Variants in SCYL2 observed in about 807,000 individuals in gnomAD.
The protein encoded by SCYL2 is SCY1 like pseudokinase 2.
Under a neutral mutation model 100.4 loss-of-function variants are expected in SCYL2, and 36 were observed. The observed-to-expected ratio is 0.36, with a 90% CI of 0.27 to 0.47. The LOEUF (loss-of-function observed/expected upper bound fraction) is 0.47, where lower values mean the gene tolerates loss of function less well. Ranked by LOEUF, SCYL2 falls within the 20% of genes least tolerant of loss-of-function variation. The probability of loss-of-function intolerance (pLI) is 1.00; values close to 1 mark genes in which losing one functional copy is unlikely to be tolerated. For missense variants in SCYL2, 902 were observed against 1,083.9 expected (o/e 0.83, Z 2.36); for synonymous variants, 330 against 359.2 (o/e 0.92, Z 0.92).
chr12:100,336,051 A>T, intron 16 of SCYL2, 145 bp downstream of exon 16: 1 of 647,924 alleles, frequency 1.5e-6, no homozygotes, highest in Non-Finnish European at 2.7e-6. Context: ...TATCAGTTAA[A>T]CATGACCCTA....
Position 100,291,490 on chromosome 12 carries a change from T to C in SCYL2, c.178-13T>C. 1.4e-6 allele frequency: 2 copies of C among 1,468,410 alleles called. No homozygotes were observed. The highest frequency in any genetic ancestry group is 1.8e-6 in the Non-Finnish European group (2 of 1,086,108). The allele number at this position is 1,468,410 out of a possible 1,614,324, so 91.0% of individuals were successfully genotyped here. On this transcript the variant is annotated splice_polypyrimidine_tract_variant and intron_variant, in intron 2 of 17. Transcript: ENST00000360820. ...ATATTTCTTGACTAAAATTACACAA[T>C]TCTTTTATTTAGGAAGTGGCAGTTT...
At chr12:100,293,725 C>G (rs932110069) in intron 3 of SCYL2, among the ~76,000 whole-genome samples, 1 of 151,892 alleles carries the variant, frequency 6.6e-6, no homozygotes. Context: ...GGAGTGGTGA[C>G]GACTCTTAAC....
intron 1 of SCYL2, among the ~76,000 whole-genome samples, chr12:100,276,261 G>A (rs1018594856): frequency 1.9e-4 from 29 of 152,004 alleles, no homozygotes; most frequent in African/African-American, 7.0e-4. Flanking sequence ...TCATTTAGAA[G>A]CTTTAGAATT....
intron 1 of SCYL2, among the ~76,000 whole-genome samples, chr12:100,281,932 A>T (rs2096298995): frequency 1.3e-5 from 2 of 152,068 alleles, no homozygotes; most frequent in Admixed American, 6.6e-5. Context: ...ATGTGAAGTG[A>T]TCAACACCTG....
At chr12:100,323,027 C>T (rs914831519) in intron 10 of SCYL2, among the ~76,000 whole-genome samples, 2 of 86,380 alleles carry the variant, frequency 2.3e-5, no homozygotes, top group African/African-American at 9.0e-5. Context: ...GGTCCTGTCT[C>T]AAGAAAAAAA....
intron 2 of SCYL2, among the ~76,000 whole-genome samples, chr12:100,290,321 G>T (rs1487304747): frequency 1.3e-5 from 2 of 152,104 alleles, no homozygotes; most frequent in Admixed American, 1.3e-4. Context: ...AAATGCTTGG[G>T]GGGACGTTGT....
At chr12:100,311,302 C>T (rs2096341905) in intron 5 of SCYL2, 109 bp downstream of exon 5, 1 of 1,047,718 alleles carries the variant, frequency 9.5e-7, no homozygotes, top group South Asian at 3.1e-5. Context: ...AGATATACAG[C>T]TTTATAGAAA....
chr12:100,329,405 T>A (rs1952180535), intron 13 of SCYL2, 86 bp downstream of exon 13: 1 of 576,056 alleles, frequency 1.7e-6, no homozygotes, highest in African/African-American at 1.9e-5. Flanking sequence ...AAAGATTGGT[T>A]AAAAAAAAAA....
chr12:100,330,251 T>C (rs1952192291), intron 13 of SCYL2, among the ~76,000 whole-genome samples: 2 of 152,062 alleles, frequency 1.3e-5, no homozygotes, highest in African/African-American at 4.8e-5. Flanking sequence ...AGGTAGACTT[T>C]AAATGCCTGT....
chr12:100,271,537 C>T (rs2096287723), intron 1 of SCYL2, among the ~76,000 whole-genome samples: 3 of 152,070 alleles, frequency 2.0e-5, no homozygotes, highest in Non-Finnish European at 4.4e-5. Flanking sequence ...CCTTTGTGCC[C>T]CTTTAAGGGA....
At chr12:100,283,299 CA>C (rs1265481372) in intron 2 of SCYL2, 152 bp downstream of exon 2, 1 of 609,108 alleles carries the variant, frequency 1.6e-6, no homozygotes, top group Non-Finnish European at 2.8e-6. Context: ...TTAAGTCATA[CA>C]AAAAAACAAA....
In SCYL2 at chr12:100,315,618, G is replaced by A. The variant is rs1431121204; in HGVS notation, c.1156G>A (p.Val386Ile). Residue 386 changes from valine (V) to isoleucine (I), a missense_variant, in exon 9 of 18, where the codon GTA becomes ATA. Val to Ile is a conservative substitution (Grantham distance 29, BLOSUM62 3). Transcript: ENST00000360820. ...TTCAGAATTTGTAAACCCTGACATG[G>A]TACCTTTTGTTTTGCCCAATGTTCT... ...LTSEFVNPDM[V>I]PFVLPNVLLI... The A allele has an allele frequency of 6.2e-6, 10 of 1,611,314 alleles. No homozygotes were observed. In the East Asian group the frequency reaches 2.2e-4, roughly 36 times the overall value.
chr12:100,329,642 A>T (rs80083833), intron 13 of SCYL2, among the ~76,000 whole-genome samples: 1,942 of 152,326 alleles, frequency 0.013, 98 homozygotes, highest in Admixed American at 0.093. Context: ...TACAGAACAA[A>T]TCACCACAAA....
chr12:100,332,865 C>T (rs1952228603), intron 13 of SCYL2, among the ~76,000 whole-genome samples: 1 of 151,934 alleles, frequency 6.6e-6, no homozygotes, highest in South Asian at 2.1e-4. Context: ...CAGGCATGTA[C>T]CACCACTCCT....
intron 3 of SCYL2, among the ~76,000 whole-genome samples, chr12:100,294,976 T>C (rs2096317233): frequency 7.2e-6 from 1 of 139,732 alleles, no homozygotes; most frequent in Non-Finnish European, 1.5e-5. Flanking sequence ...TCCTCACTTC[T>C]CAGACGGGGT....
In SCYL2 at chr12:100,337,494, T is replaced by C. The variant is rs748130676; in HGVS notation, c.2133T>C (p.Ala711=). 6.2e-7 allele frequency: 1 copy of C among 1,613,562 alleles called. No individual in the cohort carries two copies. The highest frequency in any genetic ancestry group is 1.1e-5 in the South Asian group (1 of 91,058). Residue 711 remains alanine, a synonymous_variant, in exon 17 of 18, where the codon GCT becomes GCC. Transcript: ENST00000360820. ...AACCCCAAGTGCACACACCTGTTGC[T>C]ACTGTTAAACAGGTCAGAGTTCATT... The part of the protein sequence containing the change: ...PLKPQVHTPV[A]TVKQTKDLTD...
At chr12:100,316,428 T>G (rs909577695) in intron 9 of SCYL2, among the ~76,000 whole-genome samples, 2 of 152,260 alleles carry the variant, frequency 1.3e-5, no homozygotes, top group South Asian at 4.1e-4. Context: ...TGAAAAGGAT[T>G]GTTGAGATTA....
At chr12:100,315,423 A>G in intron 8 of SCYL2, 135 bp from the exon 9 acceptor site, 1 of 651,890 alleles carries the variant, frequency 1.5e-6, no homozygotes, top group Non-Finnish European at 2.4e-6. Context: ...TACTCTGAAA[A>G]TATACCAGTT....
chr12:100,318,170 G>A (rs2096351308), intron 10 of SCYL2, among the ~76,000 whole-genome samples: 1 of 152,106 alleles, frequency 6.6e-6, no homozygotes, highest in Non-Finnish European at 1.5e-5. Context: ...GCATTATGAG[G>A]TAGATTTGTT....
Sources: gnomAD v4.1 joint callset for allele counts (sites outside exome capture counted in the v4.1 genomes callset) on GRCh38, gnomAD v4.1.1 for gene constraint, MANE v1.5 for transcripts, NCBI Gene and HGNC (gene_info 2026-07-23, HGNC 2026-07-21) for gene names.